PCDHGA10: variants seen among roughly 807,000 people sequenced by gnomAD.
PCDHGA10 encodes protocadherin gamma subfamily A, 10, also known as protocadherin gamma-A10.
Under a neutral mutation model 59.5 loss-of-function variants are expected in PCDHGA10, and 42 were observed. The observed-to-expected ratio is 0.71, with a 90% CI of 0.55 to 0.91. The LOEUF (loss-of-function observed/expected upper bound fraction) is 0.91. PCDHGA10 is among the 40% of genes least tolerant of loss of function. The pLI, the probability that PCDHGA10 is intolerant of heterozygous loss-of-function variation, is 0.00. For synonymous variants in PCDHGA10, 511 were observed against 517.2 expected (o/e 0.99, Z 0.16); for missense variants, 1,111 against 1,198.2 (o/e 0.93, Z 1.07).
intron 1 of PCDHGA10, 129 bp downstream of exon 1, chr5:141,415,740 GTTTTTTTTTTTTTTTTTTTTT>G: frequency 1.6e-6 from 1 of 617,990 alleles, no homozygotes; most frequent in Non-Finnish European, 2.1e-6. Context: ...GTTTATTAAG[GTTTTTTTTTTTTTTTTTTTTT>G]TTTTTTTTTT....
intron 1 of PCDHGA10, chr5:141,427,497 G>C (rs775492626): frequency 1.6e-5 from 9 of 568,020 alleles, no homozygotes; most frequent in African/African-American, 3.7e-5. Flanking sequence ...GCTTGTAACA[G>C]ATGGGACCCT....
chr5:141,457,079 C>T (rs114054058), intron 1 of PCDHGA10, among the ~76,000 whole-genome samples: 2,973 of 152,194 alleles, frequency 0.02, 43 homozygotes, highest in African/African-American at 0.029. Flanking sequence ...AACTATTATC[C>T]CTGCTATAAG....
rs756146067 is a variant in PCDHGA10, at chr5:141,477,534, G to C, written c.2437-17273G>C. On this transcript the variant is annotated intron_variant, in intron 1 of 3. Transcript: ENST00000398610. This position sits in a 1 kb window ranked among gnomAD's most constrained non-coding sequence, Gnocchi z 4.9. ...TACATTGAAGAAAACAACCTCCCCG[G>C]GGCTCCAATACTAAACCTAAGTGTC... 1.9e-6 allele frequency: 3 copies of C among 1,614,008 alleles called. No homozygotes were observed. Among genetic ancestry groups the C allele is most frequent in the East Asian group, 4.5e-5 (2 of 44,870 alleles).
chr5:141,472,494 C>T (rs561045783), intron 1 of PCDHGA10, among the ~76,000 whole-genome samples: 9 of 151,168 alleles, frequency 6.0e-5, no homozygotes, highest in South Asian at 2.1e-4. Context: ...GAGACGAGAT[C>T]GTGCCACTGC....
Position 141,485,863 on chromosome 5 carries a change from A to G in PCDHGA10, c.2437-8944A>G, listed in dbSNP as rs770864367. 78 of 1,614,054 alleles carry G rather than the reference A, an allele frequency of 4.8e-5. No individual in the cohort carries two copies. Among genetic ancestry groups the G allele is most frequent in the Non-Finnish European group, 6.0e-5 (71 of 1,180,040 alleles). ...GATCTGGCACCGCAGAGCTCCGGGT[A>G]TCCGTGCTGGACGTAAACGACAACG... On this transcript the variant is annotated intron_variant, in intron 1 of 3. Coordinates refer to ENST00000398610, the MANE Select transcript of PCDHGA10 (RefSeq NM_018913.3). The surrounding 1 kb of genome is among the most constrained non-coding windows in gnomAD (Gnocchi z 5.7).
chr5:141,466,612 C>T (rs141916895), intron 1 of PCDHGA10, among the ~76,000 whole-genome samples: 1 of 152,262 alleles, frequency 6.6e-6, no homozygotes, highest in East Asian at 1.9e-4. Flanking sequence ...TTGTAAACTG[C>T]CGTTTTCTTT....
At position 141,486,891 on chromosome 5, in the gene PCDHGA10, G is replaced by C. The variant is rs201201426; in HGVS notation, c.2437-7916G>C. On this transcript the variant is annotated intron_variant, in intron 1 of 3. Transcript: ENST00000398610. This position sits in a 1 kb window ranked among gnomAD's most constrained non-coding sequence, Gnocchi z 5.0. ...GTGCTCCGTCCTCGGGCCCGGCCTGGTTCCTTATGTCCCCAAGCACTGCCT... is the reference window on the plus strand; with the variant it reads ...GTGCTCCGTCCTCGGGCCCGGCCTGCTTCCTTATGTCCCCAAGCACTGCCT... 14 of 1,614,118 alleles carry C rather than the reference G, an allele frequency of 8.7e-6. No homozygotes were observed. The highest frequency in any genetic ancestry group is 3.3e-5 in the Admixed American group (2 of 60,008).
chr5:141,424,616 T>C (rs1487572877), intron 1 of PCDHGA10: 1 of 152,152 alleles, frequency 6.6e-6, no homozygotes, highest in Non-Finnish European at 1.5e-5. Flanking sequence ...TCAAATAGAG[T>C]AGTTTGTGAA....
At chr5:141,421,325 G>T in intron 1 of PCDHGA10, 1 of 1,613,906 alleles carries the variant, frequency 6.2e-7, no homozygotes, top group Non-Finnish European at 8.5e-7. Flanking sequence ...AGGCAGATCC[G>T]ATATTCGGTG....
chr5:141,500,207 T>G (rs932015076), intron 2 of PCDHGA10, among the ~76,000 whole-genome samples: 2 of 150,136 alleles, frequency 1.3e-5, no homozygotes, highest in African/African-American at 4.9e-5. Context: ...TTTATTTATT[T>G]ATTTATTTAT....
intron 1 of PCDHGA10, among the ~76,000 whole-genome samples, chr5:141,457,278 C>T (rs1446074161): frequency 6.6e-6 from 1 of 152,196 alleles, no homozygotes; most frequent in Non-Finnish European, 1.5e-5. Flanking sequence ...TGTGGGCCTA[C>T]GAAGTTCCTT....
intron 1 of PCDHGA10, among the ~76,000 whole-genome samples, chr5:141,445,332 A>G (rs1364481039): frequency 1.4e-4 from 22 of 152,140 alleles, no homozygotes; most frequent in Admixed American, 1.4e-3. Context: ...CCATCCAGAA[A>G]CAGTAAACAT....
At chr5:141,460,067 G>T (rs1168161575) in intron 1 of PCDHGA10, among the ~76,000 whole-genome samples, 1 of 151,996 alleles carries the variant, frequency 6.6e-6, no homozygotes, top group Non-Finnish European at 1.5e-5. Flanking sequence ...AACAGAGTGA[G>T]ACTTCATCTA....
chr5:141,490,561 A>G lies in PCDHGA10; in HGVS notation c.2437-4246A>G. On this transcript the variant is annotated intron_variant, in intron 1 of 3. Coordinates refer to ENST00000398610, the MANE Select transcript of PCDHGA10 (RefSeq NM_018913.3). This position sits in a 1 kb window ranked among gnomAD's most constrained non-coding sequence, Gnocchi z 5.4. Reference sequence around the variant, plus strand: ...TTCCCTACACAAACATCTCACCATCAGGCTCAACATTTCAGATGTCAATGA... The same window carrying G: ...TTCCCTACACAAACATCTCACCATCGGGCTCAACATTTCAGATGTCAATGA... 6.2e-7 allele frequency: 1 copy of G among 1,614,090 alleles called. No individual in the cohort carries two copies. The highest frequency in any genetic ancestry group is 8.5e-7 in the Non-Finnish European group (1 of 1,180,004).
intron 1 of PCDHGA10, chr5:141,433,247 G>A (rs1393219042): frequency 2.8e-6 from 4 of 1,447,840 alleles, no homozygotes; most frequent in Non-Finnish European, 3.8e-6. Context: ...AAGCTGGAAT[G>A]CAGCGGTACG....
At chr5:141,420,733 A>T (rs989644819) in intron 1 of PCDHGA10, among the ~76,000 whole-genome samples, 1 of 152,250 alleles carries the variant, frequency 6.6e-6, no homozygotes, top group African/African-American at 2.4e-5. Flanking sequence ...GTCGGTTAAA[A>T]TCAATTGGAA....
chr5:141,470,986 G>T (rs1215610104), intron 1 of PCDHGA10, among the ~76,000 whole-genome samples: 1 of 151,540 alleles, frequency 6.6e-6, no homozygotes, highest in Non-Finnish European at 1.5e-5. Flanking sequence ...CAAAGTGCTG[G>T]GACTACAGGC....
chr5:141,455,343 G>T (rs1462807460), intron 1 of PCDHGA10, among the ~76,000 whole-genome samples: 1 of 152,036 alleles, frequency 6.6e-6, no homozygotes, highest in Non-Finnish European at 1.5e-5. Flanking sequence ...TTTAAGGAGC[G>T]GAGAGTTTAA....
At chr5:141,426,726 G>A (rs916323483) in intron 1 of PCDHGA10, 2 of 448,052 alleles carry the variant, frequency 4.5e-6, no homozygotes, top group South Asian at 1.6e-5. Flanking sequence ...AGCAATTCCA[G>A]GCATTCGGTT....
Sources: allele counts gnomAD v4.1 joint callset (sites outside exome capture counted in the v4.1 genomes callset), GRCh38; gene constraint gnomAD v4.1.1; non-coding constraint Gnocchi (gnomAD v3.1); transcripts MANE v1.5; gene names NCBI Gene and HGNC (gene_info 2026-07-23, HGNC 2026-07-21).